Variants in GCNA observed in about 807,000 individuals in gnomAD.
The protein encoded by GCNA is germ cell nuclear acidic protein.
In GCNA, 3 loss-of-function variants were observed where a neutral mutation model predicts 38.8. That is an observed-to-expected ratio of 0.08 (90% confidence interval 0.04 to 0.20). The LOEUF is 0.20. Among genes scored for constraint, GCNA ranks in the 10% least tolerant of loss-of-function variants. The pLI, the probability that GCNA is intolerant of heterozygous loss-of-function variation, is 1.00. For missense variants in GCNA, 446 were observed against 578.6 expected (o/e 0.77, Z 2.35); for synonymous variants, 195 against 240.2 (o/e 0.81, Z 1.74).
At chrX:71,578,690 C>A (rs188342147) in intron 1 of GCNA, among the ~76,000 whole-genome samples, 168 bp downstream of exon 1, 2 of 109,890 alleles carry the variant, frequency 1.8e-5, no homozygotes, top group African/African-American at 6.7e-5. Context: ...GAAGTGGAGG[C>A]GCCAGTGGTA....
At chrX:71,605,558 T>C (rs1478566484) in intron 8 of GCNA, 105 bp from the exon 9 acceptor site, 1 of 591,817 alleles carries the variant, frequency 1.7e-6, no homozygotes, top group Non-Finnish European at 2.6e-6. Context: ...GAAGTTGCAC[T>C]GGGCTTGGCT....
chrX:71,597,702 T>C (rs1207226363), intron 6 of GCNA, among the ~76,000 whole-genome samples: 1 of 112,243 alleles, frequency 8.9e-6, no homozygotes, highest in Non-Finnish European at 1.9e-5. Context: ...ACTCTCAGTA[T>C]GTGACAGACT....
chrX:71,597,998 T>C lies in GCNA; in HGVS notation c.270T>C (p.His90=). The C allele has an allele frequency of 1.7e-6, 2 of 1,210,738 alleles. No individual in the cohort carries two copies. The highest frequency in any genetic ancestry group is 5.9e-5 in the East Asian group (2 of 33,847). The change falls in exon 7 of 13, where the codon CAT becomes CAC. Residue 90 remains histidine (H), a synonymous_variant. Coordinates refer to ENST00000373696, the MANE Select transcript of GCNA (RefSeq NM_052957.5). ...ATTCTGATGAGGAATGTCACACCCA[T>C]GAAGAGAAGAAAGCTAAGTTATTGG... ...DSDSDEECHT[H]EEKKAKLLEI...
In GCNA at chrX:71,603,774, C is replaced by G. The variant is rs760818880; in HGVS notation, c.497C>G (p.Ser166Trp). The change falls in exon 8 of 13, where the codon TCG (serine) becomes TGG (tryptophan). Residue 166 changes from serine to tryptophan, a missense_variant. Physicochemically the swap from Ser to Trp is radical, Grantham distance 177. Transcript: ENST00000373696. ...GCTCCTGACGACAACAGTGATGATT[C>G]GGAAGCTCCCGACGACAACAGTGAT... ...SEAPDDNSDD[S>W]EAPDDNSDDS... is the part of the protein sequence containing the mutation. 1.1e-5 allele frequency: 13 copies of G among 1,209,390 alleles called. No individual in the cohort carries two copies. In the South Asian group the frequency reaches 2.3e-4, roughly 21 times the overall value.
Position 71,603,852 on chromosome X carries a change from A to T in GCNA, c.575A>T (p.Asn192Ile). The change falls in exon 8 of 13, where the codon AAC becomes ATC. Residue 192 changes from asparagine (N) to isoleucine (I), a missense_variant. Asn to Ile is a moderately radical substitution (Grantham distance 149). Around this residue, in one of 7 missense-constraint regions of GCNA, gnomAD observed 118 missense variants for 122.8 expected, o/e 0.96. Transcript: ENST00000373696. ...NSDDSDVPDD[N>I]SDDSSDDNSD... Reference sequence around the variant, plus strand: ...GATGATTCGGATGTTCCCGACGACAACAGTGATGATTCATCCGACGACAAC... The same window carrying T: ...GATGATTCGGATGTTCCCGACGACATCAGTGATGATTCATCCGACGACAAC... 8.3e-7 allele frequency: 1 copy of T among 1,201,983 alleles called. No individual in the cohort carries two copies.
chrX:71,601,613 C>T (rs2040715968), intron 7 of GCNA, among the ~76,000 whole-genome samples: 3 of 109,561 alleles, frequency 2.7e-5, no homozygotes, highest in Admixed American at 9.8e-5. Flanking sequence ...GGCGCAATCT[C>T]GGCTCACTGC....
intron 8 of GCNA, 87 bp downstream of exon 8, chrX:71,604,763 C>T: frequency 8.9e-7 from 1 of 1,117,359 alleles, no homozygotes; most frequent in Admixed American, 2.9e-5. Flanking sequence ...GCCTGTCCTC[C>T]CTTTCAACCC....
chrX:71,582,054 G>C (rs2040550016), intron 2 of GCNA, among the ~76,000 whole-genome samples: 1 of 109,282 alleles, frequency 9.2e-6, no homozygotes, highest in South Asian at 3.9e-4. Flanking sequence ...GCAGAGGTGG[G>C]CGGATCGCTT....
intron 9 of GCNA, among the ~76,000 whole-genome samples, chrX:71,606,165 C>T (rs966131198): frequency 5.3e-5 from 6 of 112,635 alleles, no homozygotes; most frequent in African/African-American, 1.3e-4. Context: ...GGTGAGAAGG[C>T]GAAAGCAACA....
At chrX:71,611,661 A>C (rs2040811303) in intron 11 of GCNA, among the ~76,000 whole-genome samples, 1 of 111,237 alleles carries the variant, frequency 9.0e-6, no homozygotes, top group Admixed American at 9.6e-5. Context: ...TTCACCATGG[A>C]GCTTCTCCTA....
intron 1 of GCNA, among the ~76,000 whole-genome samples, chrX:71,579,593 T>G (rs909363202): frequency 2.8e-4 from 12 of 43,089 alleles, no homozygotes; most frequent in East Asian, 6.5e-4. Context: ...TGGGGGGAGG[T>G]GGGAGCTAGT....
chrX:71,605,187 TAG>T (rs55647102), intron 8 of GCNA, among the ~76,000 whole-genome samples: 7,208 of 111,859 alleles, frequency 0.064, 206 homozygotes, highest in East Asian at 0.19. Context: ...TGGCACATGA[TAG>T]AGGTTCAATA....
intron 11 of GCNA, among the ~76,000 whole-genome samples, chrX:71,611,057 A>G (rs3810672): frequency 0.031 from 3,474 of 112,338 alleles, 225 homozygotes; most frequent in Admixed American, 0.21. Flanking sequence ...CTTTGCCAGC[A>G]GTAGCATCTT....
chrX:71,604,819 C>G (rs1437941095), intron 8 of GCNA, 143 bp downstream of exon 8: 1 of 841,525 alleles, frequency 1.2e-6, no homozygotes, highest in Non-Finnish European at 1.7e-6. Context: ...GGCATCCATC[C>G]CAGTGCAAGG....
intron 2 of GCNA, among the ~76,000 whole-genome samples, chrX:71,589,633 T>C (rs980366898): frequency 2.8e-5 from 3 of 106,803 alleles, no homozygotes; most frequent in Non-Finnish European, 3.9e-5. Flanking sequence ...CCCAGCTAAG[T>C]TTTGTATTTT....
chrX:71,613,211 A>C lies in GCNA; in HGVS notation c.*229A>C. On this transcript the variant is annotated 3_prime_UTR_variant, in exon 13 of 13. Transcript: ENST00000373696. ...ATTAGAATTTAGGTACTGTTAAGTA[A>C]GTAATGTTAGAATTTAAGATTCATG... 2.6e-6 allele frequency: 1 copy of C among 379,712 alleles called. No individual in the cohort carries two copies. The highest frequency in any genetic ancestry group is 4.5e-6 in the Non-Finnish European group (1 of 223,658). 31.3% of individuals were successfully genotyped at this position (379,712 alleles called of 1,213,427 possible). A position where few individuals can be genotyped will look rare whatever the true frequency, so the allele number is the denominator to read the frequency against.
chrX:71,585,322 G>GA (rs61113189), intron 2 of GCNA, among the ~76,000 whole-genome samples: 36 of 100,628 alleles, frequency 3.6e-4, no homozygotes, highest in South Asian at 9.1e-4. Context: ...CTCAAAAAAA[G>GA]AAAAAAAAAA....
intron 9 of GCNA, among the ~76,000 whole-genome samples, chrX:71,606,077 A>G (rs1220926849): frequency 8.9e-6 from 1 of 112,614 alleles, no homozygotes; most frequent in Non-Finnish European, 1.9e-5. Context: ...GTGTAGCCAA[A>G]CAAGACACTT....
At chrX:71,595,334 G>C (rs191321760) in intron 6 of GCNA, among the ~76,000 whole-genome samples, 1 of 111,540 alleles carries the variant, frequency 9.0e-6, no homozygotes, top group East Asian at 2.8e-4. Context: ...GACCTGAAGC[G>C]ATCCACCTGC....
Sources: allele counts gnomAD v4.1 joint callset (sites outside exome capture counted in the v4.1 genomes callset), GRCh38; gene constraint gnomAD v4.1.1; regional missense constraint gnomAD v4.1.1; transcripts MANE v1.5; gene names NCBI Gene and HGNC (gene_info 2026-07-23, HGNC 2026-07-21).